The following ANO3 variants were observed in gnomAD, a reference collection of about 807,000 sequenced individuals.
ANO3 encodes anoctamin 3, also known as anoctamin-3.
A neutral mutation model predicts 144.8 loss-of-function variants in ANO3; 99 were observed. The observed-to-expected ratio is 0.68, with a 90% CI of 0.58 to 0.81. ANO3 has a LOEUF of 0.81. Ranked by LOEUF, ANO3 falls within the 30% of genes least tolerant of loss-of-function variation. The pLI is 0.00. For missense variants in ANO3, 905 were observed against 1,202.2 expected (o/e 0.75, Z 3.66); for synonymous variants, 414 against 392.6 (o/e 1.05, Z -0.64).
At position 26,641,900 on chromosome 11, in the gene ANO3, A is replaced by G; in HGVS notation, c.2146A>G (p.Ile716Val). The change falls in exon 22 of 27, where the codon ATC (isoleucine) becomes GTC (valine). Residue 716 changes from isoleucine to valine, a missense_variant. By Grantham distance (29) the Ile-to-Val change is conservative. This residue lies in a region of ANO3 where 597 missense variants were observed against 865.1 expected (regional missense o/e 0.69). Coordinates refer to ENST00000256737, the MANE Select transcript of ANO3 (RefSeq NM_031418.4). The part of the protein sequence containing the change: ...NNFMELGYPL[I>V]QNWWSRHKIK... ...TTGGTCTGCTCTGTGATGTAGGTTG[A>G]TCCAGAACTGGTGGTCACGACATAA... The G allele has an allele frequency of 6.2e-7, 1 of 1,614,038 alleles. No homozygotes were observed. The highest frequency in any genetic ancestry group is 8.5e-7 in the Non-Finnish European group (1 of 1,179,958).
intron 17 of ANO3, among the ~76,000 whole-genome samples, chr11:26,611,916 A>G (rs293929): frequency 0.86 from 130,214 of 151,998 alleles, 56,421 homozygotes; most frequent in East Asian, 0.96. Context: ...TCATATAAGT[A>G]TGGCTATTCC....
intron 14 of ANO3, among the ~76,000 whole-genome samples, chr11:26,562,129 T>C (rs2134251922): frequency 6.6e-6 from 1 of 152,032 alleles, no homozygotes; most frequent in South Asian, 2.1e-4. Context: ...TACATGAGAT[T>C]ACATGTAAAG....
chr11:26,642,075 T>G, intron 22 of ANO3, 46 bp downstream of exon 22: 1 of 1,583,190 alleles, frequency 6.3e-7, no homozygotes, highest in Non-Finnish European at 8.6e-7. Flanking sequence ...CTTGATACAA[T>G]TTTTCTACTT....
At chr11:26,271,618 A>T (rs1332682064) in intron 1 of ANO3, among the ~76,000 whole-genome samples, 3 of 152,094 alleles carry the variant, frequency 2.0e-5, no homozygotes, top group African/African-American at 7.2e-5. Context: ...TATTTCTTGT[A>T]TAATTAATAA....
chr11:26,515,122 T>G (rs938037723), intron 5 of ANO3, among the ~76,000 whole-genome samples: 1 of 152,078 alleles, frequency 6.6e-6, no homozygotes, highest in African/African-American at 2.4e-5. Context: ...TGTTTACTTC[T>G]GGCATTGTCA....
At chr11:26,600,999 A>G (rs1237363384) in intron 17 of ANO3, among the ~76,000 whole-genome samples, 1 of 152,152 alleles carries the variant, frequency 6.6e-6, no homozygotes, top group Non-Finnish European at 1.5e-5. Flanking sequence ...ATGGGAACCA[A>G]TTTCCTCTGA....
At chr11:26,346,962 C>A (rs1855511813) in intron 1 of ANO3, among the ~76,000 whole-genome samples, 1 of 152,182 alleles carries the variant, frequency 6.6e-6, no homozygotes, top group African/African-American at 2.4e-5. Context: ...CCATTCTTAT[C>A]TTTGGAATAA....
At chr11:26,258,289 GTCT>G (rs1853105149) in intron 1 of ANO3, among the ~76,000 whole-genome samples, 1 of 152,062 alleles carries the variant, frequency 6.6e-6, no homozygotes, top group Admixed American at 6.5e-5. Context: ...TCAATTAACA[GTCT>G]TATTGAACAA....
At chr11:26,636,133 G>A (rs1590660975) in intron 20 of ANO3, among the ~76,000 whole-genome samples, 1 of 152,182 alleles carries the variant, frequency 6.6e-6, no homozygotes, top group Admixed American at 6.5e-5. Context: ...CCAGGAGTTC[G>A]AGGATGCAGT....
chr11:26,548,924 G>A (rs1323367658), intron 12 of ANO3, among the ~76,000 whole-genome samples: 1 of 148,924 alleles, frequency 6.7e-6, no homozygotes, highest in Non-Finnish European at 1.5e-5. Context: ...CAGAAGAAAG[G>A]TTGTGGTTTA....
chr11:26,345,470 T>G (rs1485607299), intron 1 of ANO3, among the ~76,000 whole-genome samples: 1 of 152,178 alleles, frequency 6.6e-6, no homozygotes, highest in Admixed American at 6.5e-5. Context: ...GGAGAATGGC[T>G]TGAATCCAGA....
chr11:26,375,867 C>G (rs1856392540), intron 1 of ANO3, among the ~76,000 whole-genome samples: 1 of 152,068 alleles, frequency 6.6e-6, no homozygotes. Context: ...GCAACAACAA[C>G]AAAACAATGA....
At chr11:26,278,114 T>C (rs553029918) in intron 1 of ANO3, among the ~76,000 whole-genome samples, 1 of 152,248 alleles carries the variant, frequency 6.6e-6, no homozygotes, top group African/African-American at 2.4e-5. Context: ...TGCTTCTGTG[T>C]GTGCCCGTGT....
At chr11:26,248,791 CTA>C (rs1852858228) in intron 1 of ANO3, among the ~76,000 whole-genome samples, 1 of 152,146 alleles carries the variant, frequency 6.6e-6, no homozygotes, top group Admixed American at 6.5e-5. Context: ...TGGGCAGGGA[CTA>C]GTACTGGATA....
intron 6 of ANO3, among the ~76,000 whole-genome samples, chr11:26,524,857 G>A (rs1849123015): frequency 1.3e-5 from 2 of 152,110 alleles, no homozygotes; most frequent in Non-Finnish European, 2.9e-5. Flanking sequence ...TTACCAAGTT[G>A]GTTGCAGTTA....
At chr11:26,546,611 G>A (rs1397823317) in intron 11 of ANO3, among the ~76,000 whole-genome samples, 1 of 151,924 alleles carries the variant, frequency 6.6e-6, no homozygotes, top group Non-Finnish European at 1.5e-5. Flanking sequence ...TTTTTAACCA[G>A]GCCTTTAATA....
chr11:26,598,372 C>T lies in ANO3; in HGVS notation c.1455C>T (p.Val485=). 1 of 1,538,412 alleles carries T rather than the reference C, an allele frequency of 6.5e-7. No homozygotes were observed. The highest frequency in any genetic ancestry group is 8.8e-7 in the Non-Finnish European group (1 of 1,142,690). The change falls in exon 15 of 27, where the codon GTC becomes GTT. Residue 485 remains valine (V), a synonymous_variant. Coordinates refer to ENST00000256737, the MANE Select transcript of ANO3 (RefSeq NM_031418.4). ...FAIFMAIWAT[V]FLEFWKRRRS... ...CATTTTTATATTTTATAGCCACAGTCTTCCTGGAGTTTTGGAAAAGGAGAA... is the reference window on the plus strand; with the variant it reads ...CATTTTTATATTTTATAGCCACAGTTTTCCTGGAGTTTTGGAAAAGGAGAA...
rs1047962929 is a variant in ANO3, at chr11:26,662,694, C to T, written c.*2250C>T. 1 of 151,458 alleles carries T rather than the reference C, an allele frequency of 6.6e-6. No individual in the cohort carries two copies. Among genetic ancestry groups the T allele is most frequent in the African/African-American group, 2.4e-5 (1 of 41,252 alleles). The allele number at this position is 151,458 out of a possible 1,614,324, so 9.4% of individuals were successfully genotyped here. On this transcript the variant is annotated 3_prime_UTR_variant, in exon 27 of 27. Transcript: ENST00000256737. ...TGTAATACATTGATTTATAAAATGC[C>T]TTCTCTGATACTTTTGAAACAGATG...
At chr11:26,253,032 T>C (rs1478973036) in intron 1 of ANO3, among the ~76,000 whole-genome samples, 2 of 152,136 alleles carry the variant, frequency 1.3e-5, no homozygotes, top group African/African-American at 2.4e-5. Flanking sequence ...CTGTCAGGCA[T>C]GGAGACAGAG....
Sources: gnomAD v4.1 joint callset for allele counts (sites outside exome capture counted in the v4.1 genomes callset) on GRCh38, gnomAD v4.1.1 for gene constraint, gnomAD v4.1.1 regional missense constraint, MANE v1.5 for transcripts, NCBI Gene and HGNC (gene_info 2026-07-23, HGNC 2026-07-21) for gene names.